Variants in THOC7 observed in about 807,000 individuals in gnomAD.
THOC7 encodes THO complex subunit 7.
A neutral mutation model predicts 33.1 loss-of-function variants in THOC7; 22 were observed. The observed-to-expected ratio is 0.66, with a 90% CI of 0.47 to 0.95. The LOEUF (loss-of-function observed/expected upper bound fraction) is 0.95. Ranked by LOEUF, THOC7 falls within the 40% of genes least tolerant of loss-of-function variation. THOC7 has a pLI of 0.00. For synonymous variants in THOC7, 77 were observed against 76.8 expected (o/e 1.00, Z -0.01); for missense variants, 184 against 245.3 (o/e 0.75, Z 1.67).
intron 1 of THOC7, among the ~76,000 whole-genome samples, chr3:63,856,263 T>C (rs952287207): frequency 2.0e-5 from 3 of 150,994 alleles, no homozygotes; most frequent in African/African-American, 7.3e-5. Context: ...GTGGGGTGTG[T>C]GGTGGCAGGG....
At chr3:63,838,278 T>C (rs1435688447) in intron 3 of THOC7, 94 bp downstream of exon 3, 1 of 1,018,458 alleles carries the variant, frequency 9.8e-7, no homozygotes, top group Non-Finnish European at 1.4e-6. Context: ...TAATTGTTAT[T>C]ATTCTTTTAC....
chr3:63,842,866 C>T (rs1289813849), intron 1 of THOC7, among the ~76,000 whole-genome samples: 1 of 152,150 alleles, frequency 6.6e-6, no homozygotes, highest in Non-Finnish European at 1.5e-5. Context: ...ACTGCAACCT[C>T]CACCTACTGG....
chr3:63,848,571 T>A (rs541698895), intron 1 of THOC7: 2 of 152,354 alleles, frequency 1.3e-5, no homozygotes, highest in East Asian at 3.9e-4. Context: ...CTTCGGCACA[T>A]CTCAGGACCT....
chr3:63,835,433 G>A (rs1701611039), intron 5 of THOC7, 43 bp from the exon 6 acceptor site: 2 of 1,578,964 alleles, frequency 1.3e-6, no homozygotes, highest in African/African-American at 2.7e-5. Flanking sequence ...GAATGGGGGA[G>A]AAGAGTTTAC....
intron 1 of THOC7, among the ~76,000 whole-genome samples, chr3:63,859,495 T>C (rs146844148): frequency 6.6e-6 from 1 of 152,340 alleles, no homozygotes; most frequent in African/African-American, 2.4e-5. Context: ...TTTGCACTAG[T>C]TGTTGTCTCT....
chr3:63,834,613 T>C (rs892484223), intron 7 of THOC7, among the ~76,000 whole-genome samples: 7 of 151,606 alleles, frequency 4.6e-5, no homozygotes, highest in Admixed American at 2.6e-4. Flanking sequence ...TGAGCCAAGA[T>C]TGTGCCACTG....
At chr3:63,856,891 T>C (rs921770088) in intron 1 of THOC7, among the ~76,000 whole-genome samples, 1 of 152,156 alleles carries the variant, frequency 6.6e-6, no homozygotes, top group Non-Finnish European at 1.5e-5. Flanking sequence ...CTAATTCTTT[T>C]GTATTTTTAG....
At chr3:63,856,275 A>C (rs776516966) in intron 1 of THOC7, among the ~76,000 whole-genome samples, 6 of 151,512 alleles carry the variant, frequency 4.0e-5, no homozygotes, top group Non-Finnish European at 8.8e-5. Flanking sequence ...GTGGCAGGGG[A>C]GGGGCGGGGA....
chr3:63,864,104 GC>G (rs1235750125), upstream of THOC7, among the ~76,000 whole-genome samples: 6 of 147,096 alleles, frequency 4.1e-5, no homozygotes, highest in South Asian at 4.2e-4. Context: ...CCCCCTTGCA[GC>G]CCCCGCCCGG....
chr3:63,858,915 C>T (rs962904934), intron 1 of THOC7, among the ~76,000 whole-genome samples: 1 of 152,134 alleles, frequency 6.6e-6, no homozygotes, highest in Non-Finnish European at 1.5e-5. Flanking sequence ...AAACTGAGTG[C>T]AGGAAATAAA....
At chr3:63,862,285 T>C (rs1702239684) in intron 1 of THOC7, among the ~76,000 whole-genome samples, 1 of 152,254 alleles carries the variant, frequency 6.6e-6, no homozygotes, top group African/African-American at 2.4e-5. Context: ...CCAATATCTA[T>C]TTATTCTTCA....
chr3:63,863,451 C>G (rs148334967), intron 1 of THOC7: 11 of 1,137,348 alleles, frequency 9.7e-6, no homozygotes, highest in Middle Eastern at 3.7e-4. Flanking sequence ...CGCTTCTAGC[C>G]GTCTCGGCCA....
At chr3:63,863,744 G>C (rs898512291) in intron 1 of THOC7, 28 bp downstream of exon 1, 2 of 1,249,684 alleles carry the variant, frequency 1.6e-6, no homozygotes, top group Admixed American at 4.2e-5. Flanking sequence ...CGTGCAGCGG[G>C]CGCGTGTGGC....
chr3:63,835,079 A>G (rs1185086388), intron 7 of THOC7, 75 bp downstream of exon 7: 13 of 1,423,892 alleles, frequency 9.1e-6, no homozygotes, highest in South Asian at 2.5e-5. Flanking sequence ...TCCAAGATGT[A>G]TATTTCAAAA....
intron 1 of THOC7, among the ~76,000 whole-genome samples, chr3:63,862,507 C>G (rs1473267965): frequency 6.6e-6 from 1 of 152,172 alleles, no homozygotes; most frequent in Non-Finnish European, 1.5e-5. Context: ...ATCCCAAAGC[C>G]TAGTCCAGGA....
intron 1 of THOC7, among the ~76,000 whole-genome samples, chr3:63,840,507 C>T (rs1415080099): frequency 2.0e-5 from 3 of 152,160 alleles, no homozygotes; most frequent in Non-Finnish European, 2.9e-5. Flanking sequence ...AGGAGGATCA[C>T]TTGAGCCTCG....
At chr3:63,846,613 T>C (rs921648115) in intron 1 of THOC7, among the ~76,000 whole-genome samples, 2 of 152,120 alleles carry the variant, frequency 1.3e-5, no homozygotes, top group Non-Finnish European at 1.5e-5. Flanking sequence ...TTTTACCATG[T>C]TGGCCAGGCT....
chr3:63,839,847 C>T, intron 1 of THOC7, 74 bp from the exon 2 acceptor site: 2 of 1,214,376 alleles, frequency 1.6e-6, no homozygotes, highest in Non-Finnish European at 2.4e-6. Context: ...TATCACTGTT[C>T]ATTTGTTTAT....
chr3:63,861,249 GCA>G (rs1293196185), intron 1 of THOC7, among the ~76,000 whole-genome samples: 1 of 152,140 alleles, frequency 6.6e-6, no homozygotes, highest in Non-Finnish European at 1.5e-5. Context: ...GCACTTGACT[GCA>G]GTCATTACTT....
Sources: gnomAD v4.1 joint callset for allele counts (sites outside exome capture counted in the v4.1 genomes callset) on GRCh38, gnomAD v4.1.1 for gene constraint, MANE v1.5 for transcripts, NCBI Gene and HGNC (gene_info 2026-07-23, HGNC 2026-07-21) for gene names.